The following CRACD variants were observed in gnomAD, a reference collection of about 807,000 sequenced individuals.
The protein encoded by CRACD is capping protein inhibiting regulator of actin dynamics, also known as capping protein-inhibiting regulator of actin dynamics.
In CRACD, 56 loss-of-function variants were observed where a neutral mutation model predicts 106.8. The ratio of observed to expected loss-of-function variants is 0.52; its 90% CI spans 0.42 to 0.66. CRACD has a LOEUF of 0.66. Ranked by LOEUF, CRACD falls within the 30% of genes least tolerant of loss-of-function variation. The probability of loss-of-function intolerance (pLI) is 0.00; values close to 1 mark genes in which losing one functional copy is unlikely to be tolerated. For missense variants in CRACD, 1,730 were observed against 1,623.2 expected (o/e 1.07, Z -1.13); for synonymous variants, 754 against 670.8 (o/e 1.12, Z -1.92).
intron 1 of CRACD, among the ~76,000 whole-genome samples, chr4:56,142,209 C>A (rs1029556675): frequency 6.6e-6 from 1 of 152,020 alleles, no homozygotes; most frequent in Non-Finnish European, 1.5e-5. Flanking sequence ...ATTTTTTAAA[C>A]CATTTTGCTT....
chr4:56,221,694 C>T (rs927002477), intron 2 of CRACD, among the ~76,000 whole-genome samples: 1 of 151,950 alleles, frequency 6.6e-6, no homozygotes, highest in Non-Finnish European at 1.5e-5. Flanking sequence ...AACTCCAAAA[C>T]CCAAATAATC....
At chr4:56,224,770 T>C (rs576763048) in intron 2 of CRACD, among the ~76,000 whole-genome samples, 13 of 152,354 alleles carry the variant, frequency 8.5e-5, no homozygotes, top group African/African-American at 2.9e-4. Context: ...ACATGTTTTT[T>C]CTTCAGTTGC....
chr4:56,224,951 G>T (rs1405952959), intron 2 of CRACD, among the ~76,000 whole-genome samples: 1 of 152,182 alleles, frequency 6.6e-6, no homozygotes, highest in East Asian at 1.9e-4. Context: ...ATCTGGAGAG[G>T]GTTGAGTGTC....
intron 1 of CRACD, among the ~76,000 whole-genome samples, chr4:56,126,888 G>T (rs1434692988): frequency 6.6e-6 from 1 of 152,134 alleles, no homozygotes; most frequent in Non-Finnish European, 1.5e-5. Context: ...GGTTGGGTTT[G>T]TTTTTTGTTA....
chr4:56,237,510 G>A (rs1740046601), intron 2 of CRACD, among the ~76,000 whole-genome samples: 1 of 152,064 alleles, frequency 6.6e-6, no homozygotes, highest in South Asian at 2.1e-4. Flanking sequence ...GTCAGTAAAT[G>A]CAGCTTCATG....
In CRACD at chr4:56,298,353, A is replaced by G. The variant is rs372984808; in HGVS notation, c.120+4A>G. ...GGGCAAAGTCAAAACTCTTCAGGTA[A>G]GACAGCTTGAGAGTGGAATTACGAG... is the stretch of plus-strand genomic sequence containing the variant. On this transcript the variant is annotated splice_donor_region_variant and intron_variant, in intron 4 of 10. Coordinates refer to ENST00000682029, the MANE Select transcript of CRACD (RefSeq NM_001393381.1). 3.4e-5 allele frequency: 55 copies of G among 1,613,670 alleles called. No individual in the cohort carries two copies. The highest frequency in any genetic ancestry group is 4.4e-5 in the Non-Finnish European group (52 of 1,179,900).
intron 2 of CRACD, among the ~76,000 whole-genome samples, chr4:56,226,275 T>G (rs1357606394): frequency 3.9e-5 from 6 of 152,140 alleles, no homozygotes; most frequent in Non-Finnish European, 8.8e-5. Context: ...ACCATCTCAT[T>G]AGATGGGCAC....
intron 1 of CRACD, among the ~76,000 whole-genome samples, chr4:56,160,068 A>G (rs1181935320): frequency 6.6e-6 from 1 of 152,118 alleles, no homozygotes; most frequent in African/African-American, 2.4e-5. Context: ...GCCGTGAGCC[A>G]CTGTACCCGG....
intron 2 of CRACD, among the ~76,000 whole-genome samples, chr4:56,255,877 A>G (rs544381220): frequency 6.6e-6 from 1 of 152,306 alleles, no homozygotes; most frequent in Non-Finnish European, 1.5e-5. Context: ...AAAGCTGCTC[A>G]TTTTGAATAG....
At chr4:56,113,736 G>A (rs989021925) in intron 1 of CRACD, among the ~76,000 whole-genome samples, 1 of 152,104 alleles carries the variant, frequency 6.6e-6, no homozygotes, top group Non-Finnish European at 1.5e-5. Flanking sequence ...CTTAGAGATG[G>A]GAGTTGGGTT....
chr4:56,226,495 A>C (rs1026093639), intron 2 of CRACD, among the ~76,000 whole-genome samples: 1 of 152,314 alleles, frequency 6.6e-6, no homozygotes, highest in African/African-American at 2.4e-5. Context: ...AGTGCAATAA[A>C]TTTCATTATG....
chr4:56,080,118 GGATC>G (rs1277234275), intron 1 of CRACD, among the ~76,000 whole-genome samples: 2 of 152,188 alleles, frequency 1.3e-5, no homozygotes, highest in Non-Finnish European at 2.9e-5. Context: ...TGAAGTGGAA[GGATC>G]GCTTGAGGCC....
intron 1 of CRACD, among the ~76,000 whole-genome samples, chr4:56,141,838 C>T (rs1400883102): frequency 6.6e-6 from 1 of 151,416 alleles, no homozygotes; most frequent in African/African-American, 2.4e-5. Flanking sequence ...GGACTGCAGG[C>T]ACGCGCCACC....
intron 5 of CRACD, among the ~76,000 whole-genome samples, chr4:56,309,565 TAA>T (rs899321821): frequency 2.6e-5 from 4 of 152,052 alleles, no homozygotes; most frequent in African/African-American, 9.7e-5. Flanking sequence ...ACAAAAATTA[TAA>T]AATAGGCTGG....
chr4:56,114,274 C>T (rs1489943410), intron 1 of CRACD, among the ~76,000 whole-genome samples: 1 of 151,360 alleles, frequency 6.6e-6, no homozygotes, highest in African/African-American at 2.4e-5. Context: ...AAGAACCGGG[C>T]CTGCAAGGAG....
chr4:56,254,352 A>T (rs1030069093), intron 2 of CRACD, among the ~76,000 whole-genome samples: 1 of 151,666 alleles, frequency 6.6e-6, no homozygotes, highest in African/African-American at 2.4e-5. Flanking sequence ...CCTGAGACAG[A>T]CTATAGAATT....
Position 56,315,283 on chromosome 4 carries a change from C to G in CRACD, c.1781C>G (p.Thr594Ser), listed in dbSNP as rs1249351370. The G allele has an allele frequency of 3.1e-6, 5 of 1,613,154 alleles. No homozygotes were observed. The African/African-American group carries it at 6.7e-5, about 22-fold the overall frequency. ...ALPSSLSVPHTAILVTGAQLC... is the reference protein window; with the variant it reads ...ALPSSLSVPHSAILVTGAQLC... Reference sequence around the variant, plus strand: ...CCGTCGTCCCTGAGCGTTCCCCACACCGCCATTCTGGTCACGGGCGCGCAG... The same window carrying G: ...CCGTCGTCCCTGAGCGTTCCCCACAGCGCCATTCTGGTCACGGGCGCGCAG... Residue 594 changes from threonine (T) to serine (S), a missense_variant, in exon 8 of 11, where the codon ACC (threonine) becomes AGC (serine). Physicochemically the swap from Thr to Ser is moderately conservative, Grantham distance 58. This residue lies in a region of CRACD where 1,620 missense variants were observed against 1,481.6 expected (regional missense o/e 1.09). Transcript: ENST00000682029. This position sits in a 1 kb window ranked among gnomAD's most constrained non-coding sequence, Gnocchi z 4.1.
intron 1 of CRACD, among the ~76,000 whole-genome samples, chr4:56,138,694 G>C (rs1214246817): frequency 6.6e-6 from 1 of 152,072 alleles, no homozygotes; most frequent in East Asian, 1.9e-4. Context: ...TTTGTAAAAG[G>C]ACAGGTTATC....
chr4:56,217,007 A>G (rs1265797848), intron 2 of CRACD, among the ~76,000 whole-genome samples: 1 of 150,792 alleles, frequency 6.6e-6, no homozygotes, highest in Non-Finnish European at 1.5e-5. Flanking sequence ...AAAAAAGAAA[A>G]AAAAAAAAAA....
Sources: gnomAD v4.1 joint callset for allele counts (sites outside exome capture counted in the v4.1 genomes callset) on GRCh38, gnomAD v4.1.1 for gene constraint, gnomAD v4.1.1 regional missense constraint, Gnocchi (gnomAD v3.1) non-coding constraint, MANE v1.5 for transcripts, NCBI Gene and HGNC (gene_info 2026-07-23, HGNC 2026-07-21) for gene names.